The following CSE1L variants were observed in gnomAD, a reference collection of about 807,000 sequenced individuals.
CSE1L encodes exportin-2.
CSE1L carries 24 observed loss-of-function variants against 120.4 expected under a neutral mutation model. That is an observed-to-expected ratio of 0.20 (90% CI 0.14 to 0.28). The LOEUF is 0.28. Among genes scored for constraint, CSE1L ranks in the 10% least tolerant of loss-of-function variants. The probability of loss-of-function intolerance (pLI) is 1.00; values close to 1 mark genes in which losing one functional copy is unlikely to be tolerated. For missense variants in CSE1L, 830 were observed against 1,145.2 expected (o/e 0.72, Z 3.97); for synonymous variants, 402 against 398.3 (o/e 1.01, Z -0.11).
intron 10 of CSE1L, among the ~76,000 whole-genome samples, chr20:49,074,533 C>G (rs2091956424): frequency 6.6e-6 from 1 of 152,128 alleles, no homozygotes; most frequent in Non-Finnish European, 1.5e-5. Context: ...CAGGTATAAT[C>G]CAATTCTGGG....
At chr20:49,081,711 T>C (rs1388121363) in intron 14 of CSE1L, among the ~76,000 whole-genome samples, 1 of 152,192 alleles carries the variant, frequency 6.6e-6, no homozygotes, top group African/African-American at 2.4e-5. Flanking sequence ...ACGTGTAGTT[T>C]TTCTTCTGAT....
intron 3 of CSE1L, among the ~76,000 whole-genome samples, chr20:49,065,466 G>T (rs2091884964): frequency 6.6e-6 from 1 of 150,740 alleles, no homozygotes; most frequent in Admixed American, 6.6e-5. Flanking sequence ...AGTGTTACAG[G>T]TGCCCACCAC....
At chr20:49,048,912 C>T (rs574302573) in intron 1 of CSE1L, among the ~76,000 whole-genome samples, 4 of 152,244 alleles carry the variant, frequency 2.6e-5, no homozygotes, top group Admixed American at 2.6e-4. Flanking sequence ...GAGGACATAT[C>T]TAAGAAAAAG....
chr20:49,076,991 A>C lies in CSE1L; in HGVS notation c.1347A>C (p.Thr449=), dbSNP rs1449484568. ...AATTTGCTTTTCAGCATGGAATTAC[A>C]CAAGCAAATGAACTTGTAAACCTAA... is the stretch of plus-strand genomic sequence containing the variant. ...SKAQTQKHGI[T]QANELVNLTE... The change falls in exon 13 of 25, where the codon ACA becomes ACC. Residue 449 remains threonine, a synonymous_variant. Coordinates refer to ENST00000262982, the MANE Select transcript of CSE1L (RefSeq NM_001316.4). 3.1e-6 allele frequency: 5 copies of C among 1,603,934 alleles called. No individual in the cohort carries two copies.
rs2091901152 is a variant in CSE1L, at chr20:49,067,384, T to C, written c.567+104T>C. 7.1e-6 allele frequency: 5 copies of C among 707,848 alleles called. No homozygotes were observed. In the South Asian group the frequency reaches 7.6e-5, roughly 11 times the overall value. The allele number at this position is 707,848 out of a possible 1,614,324, so 43.8% of individuals were successfully genotyped here. ...CTTTGAAAGCTTATTTGATAGATAA[T>C]GTTTAGAGCATTTCTTTTGAAAAAT... is the stretch of plus-strand genomic sequence containing the variant. On this transcript the variant is annotated intron_variant, in intron 6 of 24. Transcript: ENST00000262982.
intron 12 of CSE1L, among the ~76,000 whole-genome samples, chr20:49,076,016 G>A (rs2091965697): frequency 6.6e-6 from 1 of 152,092 alleles, no homozygotes; most frequent in South Asian, 2.1e-4. Context: ...ATTTTTAGTA[G>A]AGACAAGGTT....
rs1432939201 is a variant in CSE1L at position 49,092,107 on chromosome 20, A to G, written c.2427A>G (p.Ile809Met). 6.4e-7 allele frequency: 1 copy of G among 1,568,606 alleles called. No individual in the cohort carries two copies. Among genetic ancestry groups the G allele is most frequent in the Non-Finnish European group, 8.7e-7 (1 of 1,147,472 alleles). Residue 809 changes from isoleucine (I) to methionine (M), a missense_variant, in exon 22 of 25, where the codon ATA (isoleucine) becomes ATG (methionine). Coordinates refer to ENST00000262982, the MANE Select transcript of CSE1L (RefSeq NM_001316.4). Reference protein sequence around the residue: ...IKYGALALQEIFDGIQPKMFG... With the variant: ...IKYGALALQEMFDGIQPKMFG... ...ATGGGGCACTAGCACTACAAGAAATATTTGATGGTATACAACCAAAGTAAG... is the reference window on the plus strand; with the variant it reads ...ATGGGGCACTAGCACTACAAGAAATGTTTGATGGTATACAACCAAAGTAAG...
intron 7 of CSE1L, among the ~76,000 whole-genome samples, chr20:49,069,223 T>C (rs1044840338): frequency 6.6e-6 from 1 of 152,172 alleles, no homozygotes. Context: ...TGACTTTTAT[T>C]GGAAGCCATA....
Position 49,096,551 on chromosome 20 carries a change from C to G in CSE1L, c.*113C>G. 1.3e-6 allele frequency: 1 copy of G among 790,352 alleles called. No individual in the cohort carries two copies. Among genetic ancestry groups the G allele is most frequent in the Non-Finnish European group, 2.1e-6 (1 of 472,542 alleles). 49.0% of individuals were successfully genotyped at this position (790,352 alleles called of 1,614,324 possible). The stretch of plus-strand genomic sequence containing the variant: ...CTCCTTTTGAACTTGTCACGAATTC[C>G]ATCTTGTAAAGGATATTAAATGTTG... On this transcript the variant is annotated 3_prime_UTR_variant, in exon 25 of 25. Coordinates refer to ENST00000262982, the MANE Select transcript of CSE1L (RefSeq NM_001316.4).
intron 1 of CSE1L, among the ~76,000 whole-genome samples, chr20:49,051,809 T>C (rs1053484090): frequency 6.6e-6 from 1 of 152,190 alleles, no homozygotes; most frequent in Non-Finnish European, 1.5e-5. Flanking sequence ...CCAGTCCTTC[T>C]GCCTCAGCCT....
Position 49,067,213 on chromosome 20 carries a change from A to G in CSE1L, c.500A>G (p.Asn167Ser). Residue 167 changes from asparagine to serine, a missense_variant, in exon 6 of 25, where the codon AAC (asparagine) becomes AGC (serine). Asn to Ser is a conservative substitution (Grantham distance 46). Transcript: ENST00000262982. ...FKRYRHEFKS[N>S]ELWTEIKLVL... ...AGATACCGTCATGAATTTAAGTCAA[A>G]CGAGTTATGGACTGAAATTAAGCTT... 6.2e-7 allele frequency: 1 copy of G among 1,609,920 alleles called. No individual in the cohort carries two copies. The highest frequency in any genetic ancestry group is 8.5e-7 in the Non-Finnish European group (1 of 1,177,640).
intron 22 of CSE1L, among the ~76,000 whole-genome samples, chr20:49,093,917 CA>C (rs1283991300): frequency 3.3e-4 from 45 of 137,522 alleles, no homozygotes; most frequent in Admixed American, 4.4e-4. Flanking sequence ...AACTCCGTCT[CA>C]AAAAAAAAAA....
At chr20:49,077,105 C>A in intron 13 of CSE1L, 41 bp downstream of exon 13, 2 of 1,189,520 alleles carry the variant, frequency 1.7e-6, no homozygotes, top group Non-Finnish European at 2.4e-6. Context: ...GCTTGCCACA[C>A]TATACCTGAA....
In CSE1L at chr20:49,047,777, G is replaced by A. The variant is rs568972956; in HGVS notation, c.-12+1354G>A. Among the ~76,000 whole-genome samples the A allele has an allele frequency of 1.1e-4, 17 of 151,710 alleles. No homozygotes were observed. The South Asian group carries it at 3.3e-3, about 30-fold the overall frequency. On this transcript the variant is annotated intron_variant, in intron 1 of 24. Transcript: ENST00000262982. ...TTTTTGTATTTTTATTAGAGACGGG[G>A]TTTCACCATGTTGATCAGGCTGTCT... is the stretch of plus-strand genomic sequence containing the variant.
Position 49,089,753 on chromosome 20 carries a change from C to A in CSE1L, c.2181+7C>A. On this transcript the variant is annotated splice_region_variant and intron_variant, in intron 19 of 24. Coordinates refer to ENST00000262982, the MANE Select transcript of CSE1L (RefSeq NM_001316.4). ...TGCTGCAGCTGACAAAATTGTGCGT[C>A]AGGTTTTGATATAACTGTAATTTTA... 2 of 1,613,332 alleles carry A rather than the reference C, an allele frequency of 1.2e-6. No homozygotes were observed. The highest frequency in any genetic ancestry group is 1.7e-6 in the Non-Finnish European group (2 of 1,179,324).
At chr20:49,062,379 G>A (rs1883921308) in intron 2 of CSE1L, among the ~76,000 whole-genome samples, 1 of 152,146 alleles carries the variant, frequency 6.6e-6, no homozygotes, top group Non-Finnish European at 1.5e-5. Context: ...AATATTGGGT[G>A]TTGCCCTATG....
intron 1 of CSE1L, among the ~76,000 whole-genome samples, chr20:49,051,475 G>A (rs1442375252): frequency 3.3e-5 from 5 of 152,188 alleles, no homozygotes; most frequent in African/African-American, 1.2e-4. Flanking sequence ...CCTGGGAGGC[G>A]GGGACTGCGG....
At position 49,050,339 on chromosome 20, in the gene CSE1L, T is replaced by G. The variant is rs145936710; in HGVS notation, c.-12+3916T>G. Among the ~76,000 whole-genome samples the G allele has an allele frequency of 1.8e-3, 277 of 150,422 alleles. 3 individuals carry two copies. Among genetic ancestry groups the G allele is most frequent in the African/African-American group, 6.5e-3 (265 of 41,000 alleles). ...GCTCAAGCAATCCTCCTGCCTCAACTTCCCTAGTAGCTAGGACCACAGGAG... is the reference window on the plus strand; with the variant it reads ...GCTCAAGCAATCCTCCTGCCTCAACGTCCCTAGTAGCTAGGACCACAGGAG... On this transcript the variant is annotated intron_variant, in intron 1 of 24. Transcript: ENST00000262982.
intron 16 of CSE1L, among the ~76,000 whole-genome samples, chr20:49,086,522 T>C (rs1362246940): frequency 6.6e-6 from 1 of 151,834 alleles, no homozygotes; most frequent in African/African-American, 2.4e-5. Context: ...TGTGCTACCA[T>C]GCCCAGCTAA....
Sources: gnomAD v4.1 joint callset for allele counts (sites outside exome capture counted in the v4.1 genomes callset) on GRCh38, gnomAD v4.1.1 for gene constraint, MANE v1.5 for transcripts, NCBI Gene and HGNC (gene_info 2026-07-23, HGNC 2026-07-21) for gene names.